The following CDH23 variants were observed in gnomAD, a reference collection of about 807,000 sequenced individuals.
CDH23 encodes cadherin related 23, also known as cadherin-23.
CDH23 carries 189 observed loss-of-function variants against 317.1 expected under a neutral mutation model. The observed-to-expected ratio is 0.60, with a 90% CI of 0.53 to 0.67. CDH23 has a LOEUF of 0.67. Among genes scored for constraint, CDH23 ranks in the 30% least tolerant of loss-of-function variants. The pLI is 0.00. For synonymous variants in CDH23, 1,839 were observed against 1,876.8 expected (o/e 0.98, Z 0.52); for missense variants, 4,401 against 4,592.4 (o/e 0.96, Z 1.20).
intron 6 of CDH23, among the ~76,000 whole-genome samples, chr10:71,528,079 A>G (rs1855143092): frequency 6.6e-6 from 1 of 152,194 alleles, no homozygotes; most frequent in Admixed American, 6.5e-5. Context: ...CACATGAGCC[A>G]AAGGGTGTGT....
intron 3 of CDH23, among the ~76,000 whole-genome samples, chr10:71,506,260 G>A (rs1853631334): frequency 2.0e-5 from 3 of 152,036 alleles, no homozygotes; most frequent in African/African-American, 2.4e-5. Context: ...ACTGGTTCAT[G>A]GGCATGGAGT....
intron 1 of CDH23, among the ~76,000 whole-genome samples, chr10:71,415,841 T>C (rs1423855784): frequency 2.0e-5 from 3 of 152,238 alleles, no homozygotes; most frequent in Non-Finnish European, 4.4e-5. Context: ...TTAATTCTGT[T>C]ATGATCAAAG....
chr10:71,776,104 C>T (rs1474148370), intron 38 of CDH23, among the ~76,000 whole-genome samples: 1 of 152,204 alleles, frequency 6.6e-6, no homozygotes, highest in South Asian at 2.1e-4. Context: ...ATTAAACAGA[C>T]AGAAAAGGTC....
intron 11 of CDH23, among the ~76,000 whole-genome samples, chr10:71,625,482 G>A (rs1861689674): frequency 7.1e-6 from 1 of 141,366 alleles, no homozygotes; most frequent in South Asian, 2.4e-4. Context: ...GGTAGGCAGT[G>A]ATGGGGTGGA....
intron 14 of CDH23, among the ~76,000 whole-genome samples, chr10:71,666,801 T>A (rs1207996677): frequency 1.3e-5 from 2 of 152,120 alleles, no homozygotes; most frequent in African/African-American, 4.8e-5. Flanking sequence ...TCCTACCTCC[T>A]GCCAGCCACT....
chr10:71,632,715 G>A (rs1280187342), intron 11 of CDH23, among the ~76,000 whole-genome samples: 2 of 152,062 alleles, frequency 1.3e-5, no homozygotes, highest in Non-Finnish European at 2.9e-5. Context: ...CCTCAGTATA[G>A]CTCCTCACCT....
intron 6 of CDH23, among the ~76,000 whole-genome samples, chr10:71,553,791 T>A (rs1856731537): frequency 6.6e-6 from 1 of 152,234 alleles, no homozygotes. Flanking sequence ...GCCCCATTTG[T>A]GAGCAATAGA....
At chr10:71,460,639 T>C (rs1850931220) in intron 3 of CDH23, among the ~76,000 whole-genome samples, 1 of 152,062 alleles carries the variant, frequency 6.6e-6, no homozygotes, top group African/African-American at 2.4e-5. Context: ...CACTCTGGAG[T>C]GAGCAGTCCG....
chr10:71,584,886 G>T (rs1178197279), intron 9 of CDH23, among the ~76,000 whole-genome samples: 2 of 152,200 alleles, frequency 1.3e-5, no homozygotes, highest in African/African-American at 4.8e-5. Flanking sequence ...TGGCTCACCT[G>T]GCTGGAGCCA....
At chr10:71,547,696 T>G (rs938192161) in intron 6 of CDH23, among the ~76,000 whole-genome samples, 2 of 152,294 alleles carry the variant, frequency 1.3e-5, no homozygotes, top group Non-Finnish European at 2.9e-5. Flanking sequence ...GAGGCAGAAT[T>G]GCAAGGAAGA....
intron 11 of CDH23, among the ~76,000 whole-genome samples, chr10:71,642,276 T>C (rs1589289364): frequency 6.6e-6 from 1 of 152,066 alleles, no homozygotes; most frequent in African/African-American, 2.4e-5. Flanking sequence ...CATTTCACAC[T>C]GTGGACTCGT....
chr10:71,788,378 C>T (rs1841156227), intron 44 of CDH23, among the ~76,000 whole-genome samples: 1 of 151,660 alleles, frequency 6.6e-6, no homozygotes, highest in Non-Finnish European at 1.5e-5. Flanking sequence ...TAATAATAGC[C>T]GTTCTGACTG....
chr10:71,563,830 C>T (rs1026800931), intron 6 of CDH23, among the ~76,000 whole-genome samples: 2 of 151,512 alleles, frequency 1.3e-5, no homozygotes, highest in African/African-American at 4.9e-5. Context: ...CTCACTGCTA[C>T]CTCCGCCTCC....
chr10:71,760,763 T>C (rs1840360425), intron 38 of CDH23: 13 of 1,080,334 alleles, frequency 1.2e-5, no homozygotes, highest in Non-Finnish European at 7.2e-6. Flanking sequence ...CGGGGGGTTC[T>C]GAGGGCTTGG....
At chr10:71,437,970 A>T (rs533427589) in intron 1 of CDH23, among the ~76,000 whole-genome samples, 35 of 152,258 alleles carry the variant, frequency 2.3e-4, no homozygotes, top group African/African-American at 7.9e-4. Flanking sequence ...ATATTCAGAA[A>T]CTCAAGGCAG....
intron 6 of CDH23, among the ~76,000 whole-genome samples, chr10:71,522,015 A>G (rs577005236): frequency 3.3e-5 from 5 of 152,192 alleles, no homozygotes; most frequent in Admixed American, 2.0e-4. Context: ...TCCTCTGTAA[A>G]TGCTTGTCCT....
intron 6 of CDH23, among the ~76,000 whole-genome samples, chr10:71,522,468 C>T (rs111864514): frequency 2.5e-3 from 381 of 152,310 alleles, no homozygotes; most frequent in African/African-American, 8.7e-3. Flanking sequence ...CCACTCCCCA[C>T]ACTGGTTAGG....
intron 34 of CDH23, among the ~76,000 whole-genome samples, chr10:71,736,762 C>A (rs980697346): frequency 6.6e-6 from 1 of 152,156 alleles, no homozygotes; most frequent in Non-Finnish European, 1.5e-5. Flanking sequence ...CAGCAAGAAA[C>A]CAAAATTAGA....
chr10:71,437,566 C>A (rs7917064), intron 1 of CDH23, among the ~76,000 whole-genome samples: 47,907 of 152,068 alleles, frequency 0.32, 7,795 homozygotes, highest in Middle Eastern at 0.45. Flanking sequence ...AAACAGTAGC[C>A]TCACGGCTCT....
Sources: gnomAD v4.1 joint callset for allele counts (sites outside exome capture counted in the v4.1 genomes callset) on GRCh38, gnomAD v4.1.1 for gene constraint, MANE v1.5 for transcripts, NCBI Gene and HGNC (gene_info 2026-07-23, HGNC 2026-07-21) for gene names.